NAALADL2: variants seen among roughly 807,000 people sequenced by gnomAD.
The protein encoded by NAALADL2 is inactive N-acetylated-alpha-linked acidic dipeptidase-like protein 2.
NAALADL2 carries 76 observed loss-of-function variants against 87.2 expected under a neutral mutation model. That is an observed-to-expected ratio of 0.87 (90% CI 0.72 to 1.05). NAALADL2 has a LOEUF of 1.05. Ranked by LOEUF, NAALADL2 falls within the 50% of genes least tolerant of loss-of-function variation. NAALADL2 has a pLI of 0.00. For missense variants in NAALADL2, 1,089 were observed against 945.8 expected (o/e 1.15, Z -1.99); for synonymous variants, 354 against 331.0 (o/e 1.07, Z -0.75).
At chr3:175,531,601 G>A (rs539471277) in intron 9 of NAALADL2, among the ~76,000 whole-genome samples, 1 of 152,324 alleles carries the variant, frequency 6.6e-6, no homozygotes, top group East Asian at 1.9e-4. Flanking sequence ...ATACTGCTGA[G>A]GTAGGACAGT....
chr3:175,128,458 T>C (rs2054329), intron 2 of NAALADL2, among the ~76,000 whole-genome samples: 83,526 of 151,712 alleles, frequency 0.55, 23,562 homozygotes, highest in African/African-American at 0.67. Context: ...TCAATTTACC[T>C]TTTTTTTCTC....
chr3:175,554,812 C>A (rs1715000983), intron 9 of NAALADL2, among the ~76,000 whole-genome samples: 1 of 152,068 alleles, frequency 6.6e-6, no homozygotes. Flanking sequence ...ATAATAAACA[C>A]AGCTGTATGA....
At chr3:175,727,101 A>G (rs1022008101) in intron 11 of NAALADL2, among the ~76,000 whole-genome samples, 32 of 152,052 alleles carry the variant, frequency 2.1e-4, no homozygotes, top group African/African-American at 7.2e-4. Flanking sequence ...TCGATTTTTC[A>G]TCATGTCCAA....
intron 11 of NAALADL2, among the ~76,000 whole-genome samples, chr3:175,690,363 A>G (rs551516696): frequency 5.9e-5 from 9 of 152,250 alleles, no homozygotes; most frequent in Non-Finnish European, 1.3e-4. Context: ...TAAGAGGGTC[A>G]GAAGATATGT....
At chr3:174,937,175 G>T (rs1479716965) in intron 1 of NAALADL2, among the ~76,000 whole-genome samples, 1 of 151,938 alleles carries the variant, frequency 6.6e-6, no homozygotes, top group Non-Finnish European at 1.5e-5. Flanking sequence ...GTCTCACCAG[G>T]GATTAGTAAT....
chr3:174,441,770 C>G (rs1357758965), intron 1 of NAALADL2, among the ~76,000 whole-genome samples: 1 of 146,070 alleles, frequency 6.8e-6, no homozygotes, highest in South Asian at 2.2e-4. Flanking sequence ...TCTCTTGGTG[C>G]CTTGTGTTCT....
intron 3 of NAALADL2, among the ~76,000 whole-genome samples, chr3:174,813,119 G>A (rs1017023492): frequency 2.0e-5 from 3 of 151,938 alleles, no homozygotes; most frequent in South Asian, 2.1e-4. Flanking sequence ...TTCCAGTCCC[G>A]CAAGACCCAT....
At chr3:175,376,708 C>G (rs972053318) in intron 5 of NAALADL2, among the ~76,000 whole-genome samples, 14 of 152,046 alleles carry the variant, frequency 9.2e-5, no homozygotes, top group African/African-American at 3.1e-4. Context: ...ATATTTTTCT[C>G]CTTCCCCCAT....
chr3:174,910,991 C>T (rs1733618076), intron 1 of NAALADL2, among the ~76,000 whole-genome samples: 1 of 152,082 alleles, frequency 6.6e-6, no homozygotes, highest in African/African-American at 2.4e-5. Context: ...TCTTGTTTAT[C>T]TCACGGTTCT....
chr3:174,606,368 C>T (rs890109315), intron 2 of NAALADL2, among the ~76,000 whole-genome samples: 1 of 151,938 alleles, frequency 6.6e-6, no homozygotes, highest in East Asian at 1.9e-4. Context: ...GATCAAACTA[C>T]TCTGAGCTAC....
chr3:174,935,905 A>G (rs1475709248), intron 1 of NAALADL2, among the ~76,000 whole-genome samples: 1 of 152,138 alleles, frequency 6.6e-6, no homozygotes, highest in Non-Finnish European at 1.5e-5. Flanking sequence ...AAGATAGAAT[A>G]TTTTGGGTAA....
At chr3:174,578,726 T>C (rs1422142175) in intron 2 of NAALADL2, among the ~76,000 whole-genome samples, 3 of 151,890 alleles carry the variant, frequency 2.0e-5, no homozygotes, top group African/African-American at 7.2e-5. Flanking sequence ...TATAAAAATT[T>C]CTTAATTTCT....
intron 11 of NAALADL2, among the ~76,000 whole-genome samples, chr3:175,714,372 C>T (rs1232403969): frequency 6.6e-6 from 1 of 152,140 alleles, no homozygotes; most frequent in African/African-American, 2.4e-5. Flanking sequence ...CCCTATTTCT[C>T]CACATCCTCT....
At chr3:174,667,522 GA>G (rs1726076651) in intron 2 of NAALADL2, among the ~76,000 whole-genome samples, 1 of 146,838 alleles carries the variant, frequency 6.8e-6, no homozygotes, top group Admixed American at 6.9e-5. Flanking sequence ...AGAGGTGGCT[GA>G]AAACTCTCCA....
At chr3:174,765,188 C>T (rs1713654607) in intron 3 of NAALADL2, among the ~76,000 whole-genome samples, 1 of 149,600 alleles carries the variant, frequency 6.7e-6, no homozygotes, top group African/African-American at 2.5e-5. Flanking sequence ...GAACAAGAGA[C>T]AGTGGTTGGT....
intron 5 of NAALADL2, among the ~76,000 whole-genome samples, chr3:175,362,282 G>A (rs1681865483): frequency 6.8e-6 from 1 of 148,138 alleles, no homozygotes; most frequent in Admixed American, 6.9e-5. Context: ...TTGTTGTATA[G>A]TTTGAAGTCA....
At chr3:174,713,306 T>C (rs1471158665) in intron 2 of NAALADL2, among the ~76,000 whole-genome samples, 20 of 152,304 alleles carry the variant, frequency 1.3e-4, no homozygotes, top group African/African-American at 2.2e-4. Context: ...TATAGTCCTT[T>C]GGGTATATAC....
At chr3:175,787,432 C>G (rs1036116439) in intron 13 of NAALADL2, among the ~76,000 whole-genome samples, 3 of 152,172 alleles carry the variant, frequency 2.0e-5, no homozygotes, top group East Asian at 3.9e-4. Flanking sequence ...TTTTTTAAGC[C>G]GGTCCGAAAA....
chr3:175,573,807 A>C (rs943589567), intron 9 of NAALADL2, among the ~76,000 whole-genome samples: 1 of 152,178 alleles, frequency 6.6e-6, no homozygotes, highest in African/African-American at 2.4e-5. Flanking sequence ...CTTTGAAAAG[A>C]AGCAAATTGC....
Sources: allele counts gnomAD v4.1 joint callset (sites outside exome capture counted in the v4.1 genomes callset), GRCh38; gene constraint gnomAD v4.1.1; transcripts MANE v1.5; gene names NCBI Gene and HGNC (gene_info 2026-07-23, HGNC 2026-07-21).